Variants in IKZF2 observed in about 807,000 individuals in gnomAD.
The protein encoded by IKZF2 is zinc finger protein Helios.
IKZF2 carries 15 observed loss-of-function variants against 49.2 expected under a neutral mutation model. The observed-to-expected ratio is 0.30, with a 90% CI of 0.20 to 0.47. IKZF2 has a LOEUF of 0.47. Among genes scored for constraint, IKZF2 ranks in the 20% least tolerant of loss-of-function variants. The pLI, the probability that IKZF2 is intolerant of heterozygous loss-of-function variation, is 1.00. For missense variants in IKZF2, 567 were observed against 664.6 expected, an observed-to-expected ratio of 0.85 and a Z score of 1.61; for synonymous variants, 227 against 221.4, an observed-to-expected ratio of 1.03 and a Z score of -0.23.
At chr2:213,128,737 C>T (rs2060355254) in intron 4 of IKZF2, among the ~76,000 whole-genome samples, 1 of 152,046 alleles carries the variant, frequency 6.6e-6, no homozygotes, top group Admixed American at 6.6e-5. Context: ...AAACTATTCT[C>T]CTGCCTCAGC....
rs575302636 is a variant in IKZF2, at chr2:213,133,363, T to C, written c.139+14345A>G. On this transcript the variant is annotated intron_variant, in intron 4 of 8. Coordinates refer to ENST00000434687, the MANE Select transcript of IKZF2 (RefSeq NM_001387220.1). Reference sequence around the variant, plus strand: ...GTCTAGGGGCCTCACATTTGACATATATTAGGTCCCACTTCTTTATATACC... The same window carrying C: ...GTCTAGGGGCCTCACATTTGACATACATTAGGTCCCACTTCTTTATATACC... Among the ~76,000 whole-genome samples the C allele has an allele frequency of 3.9e-5, 6 of 152,286 alleles. No individual in the cohort carries two copies. The South Asian group carries it at 1.2e-3, about 32-fold the overall frequency.
At position 213,108,227 on chromosome 2, in the gene IKZF2, T is replaced by G. The variant is rs142354419; in HGVS notation, c.139+39481A>C. Among the ~76,000 whole-genome samples, 874 of 152,242 alleles carry G rather than the reference T, an allele frequency of 5.7e-3. 10 individuals carry two copies. The highest frequency in any genetic ancestry group is 0.02 in the African/African-American group (841 of 41,538). On this transcript the variant is annotated intron_variant, in intron 4 of 8. Transcript: ENST00000434687. ...AGATGTAGAATTATCCATTGGAAAG[T>G]AGGTGATTTTTATTGAGGAAAAAAA... is the stretch of plus-strand genomic sequence containing the variant.
At chr2:213,087,766 C>A (rs1704810948) in intron 4 of IKZF2, among the ~76,000 whole-genome samples, 1 of 152,142 alleles carries the variant, frequency 6.6e-6, no homozygotes, top group South Asian at 2.1e-4. Flanking sequence ...GTTTTCTGTC[C>A]TTGCGATAGT....
intron 4 of IKZF2, among the ~76,000 whole-genome samples, chr2:213,108,927 A>C (rs1209084645): frequency 6.6e-6 from 1 of 152,100 alleles, no homozygotes; most frequent in Non-Finnish European, 1.5e-5. Context: ...TATGAAATAT[A>C]CATCTATTTA....
intron 8 of IKZF2, among the ~76,000 whole-genome samples, chr2:213,012,385 CAGAA>C (rs1696060672): frequency 1.3e-5 from 2 of 151,684 alleles, no homozygotes; most frequent in African/African-American, 4.8e-5. Context: ...ATTCAGAAGA[CAGAA>C]AGAATAATAA....
At chr2:213,077,124 G>C (rs113756679) in intron 4 of IKZF2, among the ~76,000 whole-genome samples, 2 of 152,156 alleles carry the variant, frequency 1.3e-5, no homozygotes, top group Non-Finnish European at 2.9e-5. Context: ...ATCTGGTATA[G>C]AGAAGGCTTA....
chr2:213,103,510 G>GT (rs2059419297), intron 4 of IKZF2, among the ~76,000 whole-genome samples: 1 of 152,174 alleles, frequency 6.6e-6, no homozygotes, highest in African/African-American at 2.4e-5. Context: ...GAATGAATGA[G>GT]TATAAGATGG....
At position 213,004,508 on chromosome 2, in the gene IKZF2, T is replaced by G. The variant is rs1167956072; in HGVS notation, c.*2852A>C. 1 of 151,144 alleles carries G rather than the reference T, an allele frequency of 6.6e-6. No homozygotes were observed. The highest frequency in any genetic ancestry group is 6.6e-5 in the Admixed American group (1 of 15,082). 9.4% of individuals were successfully genotyped at this position (151,144 alleles called of 1,614,324 possible). A position where few individuals can be genotyped will look rare whatever the true frequency, so the allele number is the denominator to read the frequency against. On this transcript the variant is annotated 3_prime_UTR_variant, in exon 9 of 9. Coordinates refer to ENST00000434687, the MANE Select transcript of IKZF2 (RefSeq NM_001387220.1). Reference sequence around the variant, plus strand: ...ACTGGAAAATACAGAAGATAACCCATTTTCATGCTCCTCAAATACTTTCTG... The same window carrying G: ...ACTGGAAAATACAGAAGATAACCCAGTTTCATGCTCCTCAAATACTTTCTG...
At chr2:213,027,213 C>A (rs985583443) in intron 6 of IKZF2, among the ~76,000 whole-genome samples, 5 of 152,082 alleles carry the variant, frequency 3.3e-5, no homozygotes, top group Admixed American at 6.6e-5. Context: ...CTCTTACAAA[C>A]ACCCTCTCAA....
intron 4 of IKZF2, among the ~76,000 whole-genome samples, chr2:213,144,400 A>T (rs914717759): frequency 6.6e-6 from 1 of 152,014 alleles, no homozygotes; most frequent in African/African-American, 2.4e-5. Context: ...TAATTTAAAA[A>T]TTTTGAACTT....
Position 213,008,034 on chromosome 2 carries a change from A to G in IKZF2, c.907T>C (p.Leu303=). ...SYPDIHFDMN[L]TYEKEAELMQ... is the part of the protein sequence containing the mutation. ...AGCTCAGCCTCCTTCTCATATGTTA[A>G]GTTCATATCAAAGTGAATATCTGGG... is the stretch of plus-strand genomic sequence containing the variant. Residue 303 remains leucine (L), a synonymous_variant, in exon 9 of 9, where the codon TTA becomes CTA. Coordinates refer to ENST00000434687, the MANE Select transcript of IKZF2 (RefSeq NM_001387220.1). 6.2e-7 allele frequency: 1 copy of G among 1,612,794 alleles called. No individual in the cohort carries two copies. The highest frequency in any genetic ancestry group is 8.5e-7 in the Non-Finnish European group (1 of 1,179,332).
chr2:213,087,905 C>T (rs763318252), intron 4 of IKZF2, among the ~76,000 whole-genome samples: 109 of 152,192 alleles, frequency 7.2e-4, no homozygotes, highest in Non-Finnish European at 1.2e-3. Context: ...CAGTCTATCA[C>T]TGATGGACAT....
chr2:213,113,545 T>C (rs1391105870), intron 4 of IKZF2, among the ~76,000 whole-genome samples: 1 of 152,182 alleles, frequency 6.6e-6, no homozygotes, highest in Non-Finnish European at 1.5e-5. Context: ...CTCTAGTAAA[T>C]ATACTACCTA....
intron 4 of IKZF2, among the ~76,000 whole-genome samples, chr2:213,079,074 G>A (rs985642009): frequency 6.6e-6 from 1 of 152,090 alleles, no homozygotes; most frequent in Admixed American, 6.5e-5. Flanking sequence ...GAGGGAGAAG[G>A]GGGAGAAGGT....
Position 213,007,680 on chromosome 2 carries a change from G to GTCCTT in IKZF2, c.1260_1261insAAGGA (p.Gln421LysfsTer8). 2 of 1,613,744 alleles carry GTCCTT rather than the reference G, an allele frequency of 1.2e-6. No individual in the cohort carries two copies. The highest frequency in any genetic ancestry group is 1.7e-6 in the Non-Finnish European group (2 of 1,179,764). ...TTGGGATTTAAGGCAGGGTGTCCTT[G>GTCCTT]GTAGGACTGGTGGTCATCATGGCTG... On this transcript the variant is annotated frameshift_variant, in exon 9 of 9. Coordinates refer to ENST00000434687, the MANE Select transcript of IKZF2 (RefSeq NM_001387220.1). LOFTEE classifies it high-confidence loss of function.
At chr2:213,123,625 A>C (rs2060127714) in intron 4 of IKZF2, among the ~76,000 whole-genome samples, 1 of 152,144 alleles carries the variant, frequency 6.6e-6, no homozygotes, top group African/African-American at 2.4e-5. Context: ...AATAAATTAA[A>C]AGAGTAAAGT....
chr2:213,145,484 G>A (rs2061023679), intron 4 of IKZF2, among the ~76,000 whole-genome samples: 2 of 152,010 alleles, frequency 1.3e-5, no homozygotes, highest in African/African-American at 4.8e-5. Flanking sequence ...CAAGTGATTT[G>A]ACAGGCCAGA....
At chr2:213,074,437 G>A (rs932758735) in intron 4 of IKZF2, among the ~76,000 whole-genome samples, 2 of 152,112 alleles carry the variant, frequency 1.3e-5, no homozygotes, top group African/African-American at 4.8e-5. Context: ...CACAGAAAAT[G>A]TATCTTAAAA....
At chr2:213,034,660 C>T (rs1165378697) in intron 6 of IKZF2, among the ~76,000 whole-genome samples, 1 of 152,028 alleles carries the variant, frequency 6.6e-6, no homozygotes, top group East Asian at 1.9e-4. Flanking sequence ...TCGTGGTATC[C>T]TAAAACAGTT....
Sources: gnomAD v4.1 joint callset for allele counts (sites outside exome capture counted in the v4.1 genomes callset) on GRCh38, gnomAD v4.1.1 for gene constraint, MANE v1.5 for transcripts, NCBI Gene and HGNC (gene_info 2026-07-23, HGNC 2026-07-21) for gene names.